The following PICALM variants were observed in gnomAD, a reference collection of about 807,000 sequenced individuals.
PICALM encodes the protein phosphatidylinositol-binding clathrin assembly protein.
A neutral mutation model predicts 80.5 loss-of-function variants in PICALM; 40 were observed. The ratio of observed to expected loss-of-function variants is 0.50; its 90% CI spans 0.39 to 0.65. PICALM has a LOEUF of 0.65. PICALM is among the 30% of genes least tolerant of loss of function. The pLI, the probability that PICALM is intolerant of heterozygous loss-of-function variation, is 0.00. For synonymous variants in PICALM, 288 were observed against 260.3 expected (o/e 1.11, Z -1.02); for missense variants, 676 against 778.9 (o/e 0.87, Z 1.57).
chr11:86,029,163 T>A (rs2136700907), intron 2 of PICALM, among the ~76,000 whole-genome samples: 1 of 152,216 alleles, frequency 6.6e-6, no homozygotes, highest in South Asian at 2.1e-4. Context: ...TTGTAAGATG[T>A]TTTGAAGCAG....
At chr11:85,980,721 G>A (rs1179142297) in intron 17 of PICALM, among the ~76,000 whole-genome samples, 1 of 152,014 alleles carries the variant, frequency 6.6e-6, no homozygotes, top group Non-Finnish European at 1.5e-5. Flanking sequence ...AGTGATTAAG[G>A]ACATATGTTC....
At chr11:86,040,725 G>A (rs1170039248) in intron 1 of PICALM, among the ~76,000 whole-genome samples, 4 of 152,146 alleles carry the variant, frequency 2.6e-5, no homozygotes, top group African/African-American at 9.7e-5. Context: ...ATATGTTTAA[G>A]TGTGTGTATA....
At chr11:85,985,031 A>C (rs1373519348) in intron 13 of PICALM, among the ~76,000 whole-genome samples, 2 of 152,180 alleles carry the variant, frequency 1.3e-5, no homozygotes, top group Non-Finnish European at 2.9e-5. Flanking sequence ...AATTCTACTA[A>C]GTCAGAATAT....
At chr11:85,997,390 T>C (rs1565343540) in intron 11 of PICALM, among the ~76,000 whole-genome samples, 1 of 152,226 alleles carries the variant, frequency 6.6e-6, no homozygotes. Context: ...AAACTATGTA[T>C]CAATGATACA....
At position 86,022,257 on chromosome 11, in the gene PICALM, G is replaced by A. The variant is rs560925864; in HGVS notation, c.452+110C>T. Reference sequence around the variant, plus strand: ...ATATACCTCATCAAAGAAAAATGAGGCTCATCTTTTAAAACTGGCTAAAAT... The same window carrying A: ...ATATACCTCATCAAAGAAAAATGAGACTCATCTTTTAAAACTGGCTAAAAT... On this transcript the variant is annotated intron_variant, in intron 4 of 19. Coordinates refer to ENST00000393346, the MANE Select transcript of PICALM (RefSeq NM_007166.4). 1.1e-4 allele frequency: 68 copies of A among 628,290 alleles called. No individual in the cohort carries two copies. The African/African-American group carries it at 1.2e-3, about 11-fold the overall frequency. The allele number at this position is 628,290 out of a possible 1,614,324, so 38.9% of individuals were successfully genotyped here.
At position 86,056,146 on chromosome 11, in the gene PICALM, A is replaced by AAAAAAAAG. The variant is rs1229197701; in HGVS notation, c.130+12504_130+12505insCTTTTTTT. ...CAAGACTCTGTCTTTAAAAAAAAAA[A>AAAAAAAAG]AAAAGAAAAAACCCTTGAAAAATTA... On this transcript the variant is annotated intron_variant, in intron 1 of 19. Transcript: ENST00000393346. Among the ~76,000 whole-genome samples the AAAAAAAAG allele has an allele frequency of 1.3e-3, 187 of 149,182 alleles. 3 individuals are homozygous for AAAAAAAAG. Among genetic ancestry groups the AAAAAAAAG allele is most frequent in the African/African-American group, 3.1e-3 (126 of 40,760 alleles).
At position 86,033,196 on chromosome 11, in the gene PICALM, CTT is replaced by C. The variant is rs546278701; in HGVS notation, c.131-1587_131-1586del. On this transcript the variant is annotated intron_variant, in intron 1 of 19. Transcript: ENST00000393346. ...ATGGCACTGAACATATTACACTAGA[CTT>C]CAGTTTCAACGACAGTACTTTATAC... Among the ~76,000 whole-genome samples, 14 of 152,284 alleles carry C rather than the reference CTT, an allele frequency of 9.2e-5. No individual in the cohort carries two copies. In the East Asian group the frequency reaches 2.5e-3, roughly 27 times the overall value.
chr11:86,038,848 T>G (rs575991649), intron 1 of PICALM, among the ~76,000 whole-genome samples: 1 of 151,724 alleles, frequency 6.6e-6, no homozygotes, highest in South Asian at 2.1e-4. Context: ...CAGTGGCTCA[T>G]GCCTGTAATC....
At chr11:85,966,959 TTC>T (rs1417513206) in intron 19 of PICALM, among the ~76,000 whole-genome samples, 3 of 152,174 alleles carry the variant, frequency 2.0e-5, no homozygotes, top group Non-Finnish European at 2.9e-5. Context: ...GAAAACAAAT[TTC>T]TGTTTTAATT....
chr11:85,989,662 G>A (rs2094699071), intron 13 of PICALM, among the ~76,000 whole-genome samples: 1 of 152,002 alleles, frequency 6.6e-6, no homozygotes, highest in African/African-American at 2.4e-5. Flanking sequence ...TATCCAAGTC[G>A]TGTTTCTGCT....
chr11:86,023,441 C>T (rs1008428724), intron 3 of PICALM: 1 of 984,956 alleles, frequency 1.0e-6, no homozygotes, highest in African/African-American at 1.7e-5. Flanking sequence ...TCAGGTGTTA[C>T]ATGCTCACAT....
intron 19 of PICALM, among the ~76,000 whole-genome samples, chr11:85,970,871 C>T (rs2094085481): frequency 6.6e-6 from 1 of 152,112 alleles, no homozygotes. Flanking sequence ...ATACTGCCTA[C>T]AAAAGATTGT....
intron 1 of PICALM, among the ~76,000 whole-genome samples, chr11:86,060,426 T>C (rs1018090147): frequency 1.3e-5 from 2 of 152,212 alleles, no homozygotes; most frequent in Admixed American, 6.5e-5. Flanking sequence ...TGTGGTTTAA[T>C]AGGAAATAGT....
Position 85,978,293 on chromosome 11 carries a change from T to C in PICALM, c.1780-1611A>G, listed in dbSNP as rs1565258852. 4 of 478,334 alleles carry C rather than the reference T, an allele frequency of 8.4e-6. No homozygotes were observed. The Admixed American group carries it at 1.5e-4, about 18-fold the overall frequency. The allele number at this position is 478,334 out of a possible 1,614,324, so 29.6% of individuals were successfully genotyped here. A position where few individuals can be genotyped will look rare whatever the true frequency, so the allele number is the denominator to read the frequency against. On this transcript the variant is annotated intron_variant, in intron 17 of 19. Coordinates refer to ENST00000393346, the MANE Select transcript of PICALM (RefSeq NM_007166.4). ...AAGGTTGACAAGGGAATTGTAGTCT[T>C]TGGCCTCATCTCTTTATATAAAAAA...
intron 1 of PICALM, among the ~76,000 whole-genome samples, chr11:86,061,458 T>C (rs978533833): frequency 3.7e-4 from 55 of 150,132 alleles, no homozygotes; most frequent in African/African-American, 1.2e-3. Context: ...AACAGGACAA[T>C]GACCTTAACG....
At chr11:86,050,354 C>T (rs2096164371) in intron 1 of PICALM, among the ~76,000 whole-genome samples, 1 of 151,892 alleles carries the variant, frequency 6.6e-6, no homozygotes, top group South Asian at 2.1e-4. Flanking sequence ...TAAAAGCAAA[C>T]TTTTCTGGCT....
At chr11:86,001,219 T>A (rs1159700544) in intron 9 of PICALM, 61 bp from the exon 10 acceptor site, 1 of 1,545,694 alleles carries the variant, frequency 6.5e-7, no homozygotes, top group Non-Finnish European at 8.8e-7. Context: ...TACACCCAGG[T>A]CATGAAATGG....
At chr11:86,031,337 G>A in intron 2 of PICALM, 132 bp downstream of exon 2, 1 of 649,690 alleles carries the variant, frequency 1.5e-6, no homozygotes. Context: ...AAATTACAGG[G>A]TCTATAATTA....
intron 19 of PICALM, among the ~76,000 whole-genome samples, chr11:85,961,708 G>T (rs2093694123): frequency 6.6e-6 from 1 of 152,120 alleles, no homozygotes; most frequent in South Asian, 2.1e-4. Flanking sequence ...ATAAGCACAG[G>T]ACTATTACAA....
Sources: allele counts gnomAD v4.1 joint callset (sites outside exome capture counted in the v4.1 genomes callset), GRCh38; gene constraint gnomAD v4.1.1; transcripts MANE v1.5; gene names NCBI Gene and HGNC (gene_info 2026-07-23, HGNC 2026-07-21).